Variants in KCNK9 observed in about 807,000 individuals in gnomAD.
The protein encoded by KCNK9 is potassium two pore domain channel subfamily K member 9, also known as potassium channel subfamily K member 9.
A neutral mutation model predicts 10.8 loss-of-function variants in KCNK9; 1 was observed. That is an observed-to-expected ratio of 0.09 (90% CI 0.03 to 0.44). KCNK9 has a LOEUF of 0.44. Among genes scored for constraint, KCNK9 ranks in the 20% least tolerant of loss-of-function variants. The pLI is 0.97. For synonymous variants in KCNK9, 231 were observed against 222.7 expected, an observed-to-expected ratio of 1.04 and a Z score of -0.33; for missense variants, 303 against 515.0, an observed-to-expected ratio of 0.59 and a Z score of 3.98.
chr8:139,699,671 G>A (rs1477685469), intron 1 of KCNK9, among the ~76,000 whole-genome samples: 1 of 152,230 alleles, frequency 6.6e-6, no homozygotes, highest in Non-Finnish European at 1.5e-5. Context: ...CCCTGGTTAT[G>A]ACAATGGTCA....
chr8:139,677,688 G>A (rs1261577952), intron 1 of KCNK9, among the ~76,000 whole-genome samples: 2 of 150,828 alleles, frequency 1.3e-5, no homozygotes, highest in East Asian at 3.9e-4. Context: ...AGCCCAGTGG[G>A]TTCCCACAGC....
intron 1 of KCNK9, among the ~76,000 whole-genome samples, chr8:139,663,812 G>A (rs1816230191): frequency 6.6e-6 from 1 of 152,170 alleles, no homozygotes; most frequent in Admixed American, 6.6e-5. Flanking sequence ...CCAGAAATGA[G>A]AGAGACAACA....
chr8:139,604,526 C>A (rs1166691095), intron 2 of KCNK9, among the ~76,000 whole-genome samples: 1 of 152,178 alleles, frequency 6.6e-6, no homozygotes, highest in Non-Finnish European at 1.5e-5. Flanking sequence ...CAGATAGGAG[C>A]AAAGCTGACC....
intron 1 of KCNK9, among the ~76,000 whole-genome samples, chr8:139,678,812 T>C (rs867810957): frequency 7.9e-5 from 12 of 152,210 alleles, no homozygotes; most frequent in Non-Finnish European, 1.5e-4. Context: ...GTCCTAGGTC[T>C]ACAGACAACA....
At chr8:139,666,481 C>T (rs1816304026) in intron 1 of KCNK9, among the ~76,000 whole-genome samples, 1 of 152,218 alleles carries the variant, frequency 6.6e-6, no homozygotes, top group African/African-American at 2.4e-5. Flanking sequence ...CTGTGGTCAT[C>T]CCCATTTTTA....
chr8:139,637,344 T>G (rs1241062270), intron 1 of KCNK9, among the ~76,000 whole-genome samples: 3 of 152,156 alleles, frequency 2.0e-5, no homozygotes, highest in African/African-American at 7.2e-5. Flanking sequence ...CCAAGTGCCA[T>G]AAGGATGTTC....
intron 1 of KCNK9, among the ~76,000 whole-genome samples, chr8:139,625,421 AGCAGAGCCCACTCCTGACTCAGCTGT>A (rs1161766238): frequency 6.6e-6 from 1 of 152,172 alleles, no homozygotes; most frequent in African/African-American, 2.4e-5. Flanking sequence ...TCCCGAGGAG[AGCAGAGCCCACTCCTGACTCAGCTGT>A]GCAGATCCCA....
chr8:139,674,719 C>G (rs998363489), intron 1 of KCNK9, among the ~76,000 whole-genome samples: 1 of 152,202 alleles, frequency 6.6e-6, no homozygotes, highest in African/African-American at 2.4e-5. Context: ...GCCACTGGTG[C>G]TGTGACAGGG....
chr8:139,698,941 C>T (rs889665069), intron 1 of KCNK9, among the ~76,000 whole-genome samples: 2 of 152,192 alleles, frequency 1.3e-5, no homozygotes, highest in African/African-American at 4.8e-5. Flanking sequence ...GTACCCTGCC[C>T]CCAGCCAGTC....
At chr8:139,649,742 TGGGGGG>T (rs1815802137) in intron 1 of KCNK9, among the ~76,000 whole-genome samples, 1 of 152,178 alleles carries the variant, frequency 6.6e-6, no homozygotes, top group African/African-American at 2.4e-5. Context: ...TGTGTAACCC[TGGGGGG>T]AAAAAAATTG....
Position 139,634,002 on chromosome 8 carries a change from C to T in KCNK9, c.284-14903G>A, listed in dbSNP as rs557479502. Among the ~76,000 whole-genome samples, 17 of 152,382 alleles carry T rather than the reference C, an allele frequency of 1.1e-4. No individual in the cohort carries two copies. In the South Asian group the frequency reaches 3.5e-3, roughly 32 times the overall value. ...GTTTCTTCTGCTCTCCGCCCCAGGG[C>T]ATTTGTGCCTGCCGCATACAGGCCT... On this transcript the variant is annotated intron_variant, in intron 1 of 1. Transcript: ENST00000520439.
At chr8:139,672,276 G>A (rs1256967376) in intron 1 of KCNK9, among the ~76,000 whole-genome samples, 1 of 152,144 alleles carries the variant, frequency 6.6e-6, no homozygotes, top group African/African-American at 2.4e-5. Context: ...GGAGGGCCTC[G>A]GGGCTGGCAC....
intron 1 of KCNK9, among the ~76,000 whole-genome samples, chr8:139,622,234 C>T (rs1331810013): frequency 6.6e-6 from 1 of 152,334 alleles, no homozygotes; most frequent in East Asian, 1.9e-4. Flanking sequence ...TCCCCATTAA[C>T]ACATTTCCTG....
At chr8:139,606,092 T>C (rs537548161) in intron 2 of KCNK9, among the ~76,000 whole-genome samples, 4 of 152,304 alleles carry the variant, frequency 2.6e-5, no homozygotes, top group African/African-American at 9.6e-5. Context: ...TACAGCTTCC[T>C]ACCAAAGGCC....
At chr8:139,602,480 G>A (rs1015239234) in intron 2 of KCNK9, among the ~76,000 whole-genome samples, 9 of 152,328 alleles carry the variant, frequency 5.9e-5, no homozygotes, top group African/African-American at 1.9e-4. Flanking sequence ...GGAGGGTGGT[G>A]GGAGACCTTA....
At chr8:139,662,484 C>T (rs1163313037) in intron 1 of KCNK9, among the ~76,000 whole-genome samples, 1 of 152,032 alleles carries the variant, frequency 6.6e-6, no homozygotes, top group Non-Finnish European at 1.5e-5. Flanking sequence ...CAGGGACATG[C>T]AAAAAAGGAG....
At chr8:139,622,814 G>A (rs922474738) in intron 1 of KCNK9, among the ~76,000 whole-genome samples, 1 of 152,172 alleles carries the variant, frequency 6.6e-6, no homozygotes, top group Admixed American at 6.5e-5. Flanking sequence ...CATGTCAGAT[G>A]TTCCCAAATA....
chr8:139,658,943 G>T (rs1816085985), intron 1 of KCNK9, among the ~76,000 whole-genome samples: 1 of 152,260 alleles, frequency 6.6e-6, no homozygotes, highest in Admixed American at 6.5e-5. Context: ...GAAGGACTAA[G>T]GTTTGCTGAG....
intron 1 of KCNK9, among the ~76,000 whole-genome samples, chr8:139,686,702 A>G (rs888385782): frequency 5.3e-5 from 8 of 152,240 alleles, no homozygotes; most frequent in African/African-American, 1.4e-4. Context: ...AGAATAACAC[A>G]CAAGCAGTCT....
Sources: gnomAD v4.1 joint callset for allele counts (sites outside exome capture counted in the v4.1 genomes callset) on GRCh38, gnomAD v4.1.1 for gene constraint, MANE v1.5 for transcripts, NCBI Gene and HGNC (gene_info 2026-07-23, HGNC 2026-07-21) for gene names.